The following SLC16A13 variants were observed in gnomAD, a reference collection of about 807,000 sequenced individuals.
SLC16A13 encodes solute carrier family 16 member 13, also known as monocarboxylate transporter 13.
In SLC16A13, 28 loss-of-function variants were observed where a neutral mutation model predicts 28.1. That is an observed-to-expected ratio of 1.00 (90% CI 0.74 to 1.37). The LOEUF is 1.37. Ranked by LOEUF, SLC16A13 falls within the 40% of genes most tolerant of loss-of-function variation. The probability of loss-of-function intolerance (pLI) is 0.00; values close to 1 mark genes in which losing one functional copy is unlikely to be tolerated. For missense variants in SLC16A13, 482 were observed against 531.8 expected, an observed-to-expected ratio of 0.91 and a Z score of 0.92; for synonymous variants, 228 against 241.6, an observed-to-expected ratio of 0.94 and a Z score of 0.52.
Position 7,038,141 on chromosome 17 carries a change from C to T in SLC16A13, c.344-11C>T. 2 of 1,605,098 alleles carry T rather than the reference C, an allele frequency of 1.2e-6. No individual in the cohort carries two copies. Among genetic ancestry groups the T allele is most frequent in the Non-Finnish European group, 1.7e-6 (2 of 1,175,286 alleles). ...TAAGAGTTCTCAACACCACTTCTTC[C>T]TTTTTGACAGGCTCTGGCTGGGCTT... On this transcript the variant is annotated splice_polypyrimidine_tract_variant and intron_variant, in intron 2 of 3. Coordinates refer to ENST00000308027, the MANE Select transcript of SLC16A13 (RefSeq NM_201566.3). The surrounding 1 kb of genome is among the most constrained non-coding windows in gnomAD (Gnocchi z 5.7).
intron 2 of SLC16A13, among the ~76,000 whole-genome samples, chr17:7,037,813 A>C (rs1910624560): frequency 6.6e-6 from 1 of 152,248 alleles, no homozygotes; most frequent in African/African-American, 2.4e-5. Context: ...AAAAGCTTTA[A>C]AGCTTATACA....
rs145936915 is a variant in SLC16A13 at position 7,038,321 on chromosome 17, C to A, written c.513C>A (p.Ser171=). Reference sequence around the variant, plus strand: ...TCAGCCACTACGCCTGGAGGGGGTCCCTGCTGCTGGTGTCTGCCCTCTCCC... The same window carrying A: ...TCAGCCACTACGCCTGGAGGGGGTCACTGCTGCTGGTGTCTGCCCTCTCCC... ...WLLSHYAWRG[S]LLLVSALSLH... Residue 171 remains serine, a synonymous_variant, in exon 3 of 4, where the codon TCC becomes TCA. Coordinates refer to ENST00000308027, the MANE Select transcript of SLC16A13 (RefSeq NM_201566.3). This position sits in a 1 kb window ranked among gnomAD's most constrained non-coding sequence, Gnocchi z 5.7. The A allele has an allele frequency of 1.2e-6, 2 of 1,614,118 alleles. No individual in the cohort carries two copies. The highest frequency in any genetic ancestry group is 2.2e-5 in the South Asian group (2 of 91,086).
rs763396808 is a variant in SLC16A13 at position 7,036,771 on chromosome 17, G to A, written c.244G>A (p.Val82Met). The A allele has an allele frequency of 5.0e-6, 8 of 1,613,618 alleles. No individual in the cohort carries two copies. The highest frequency in any genetic ancestry group is 2.7e-5 in the African/African-American group (2 of 74,958). The stretch of plus-strand genomic sequence containing the variant: ...GAGCACGAAGTTCGGGCCCAGGCCC[G>A]TGGTGATGACTGGAGGCATCTTGGC... ...ALSTKFGPRP[V>M]VMTGGILAAL... Residue 82 changes from valine to methionine, a missense_variant, in exon 2 of 4, where the codon GTG becomes ATG. Transcript: ENST00000308027.
At position 7,039,154 on chromosome 17, in the gene SLC16A13, C is replaced by A. The variant is rs987188817; in HGVS notation, c.1081+265C>A. ...TGGGTTTGCAGAGGACCTGGCAGAACCTGGCCAGACACAGACGTAGCATTC... is the reference window on the plus strand; with the variant it reads ...TGGGTTTGCAGAGGACCTGGCAGAAACTGGCCAGACACAGACGTAGCATTC... On this transcript the variant is annotated intron_variant, in intron 3 of 3. Transcript: ENST00000308027. This position sits in a 1 kb window ranked among gnomAD's most constrained non-coding sequence, Gnocchi z 4.3. 6.6e-5 allele frequency among the ~76,000 whole-genome samples: 10 copies of A among 152,166 alleles called. No individual in the cohort carries two copies. Among genetic ancestry groups the A allele is most frequent in the Admixed American group, 6.5e-4 (10 of 15,278 alleles).
chr17:7,038,107 T>C lies in SLC16A13; in HGVS notation c.344-45T>C. The C allele has an allele frequency of 6.4e-7, 1 of 1,569,438 alleles. No homozygotes were observed. Among genetic ancestry groups the C allele is most frequent in the Non-Finnish European group, 8.6e-7 (1 of 1,159,022 alleles). On this transcript the variant is annotated intron_variant, in intron 2 of 3. Transcript: ENST00000308027. This position sits in a 1 kb window ranked among gnomAD's most constrained non-coding sequence, Gnocchi z 5.7. ...GCAATGCGGGGATTACTGTGTGCCT[T>C]GAGCTCCCTAAGAGTTCTCAACACC...
chr17:7,038,693 A>C lies in SLC16A13; in HGVS notation c.885A>C (p.Leu295=). The C allele has an allele frequency of 6.2e-7, 1 of 1,614,134 alleles. No individual in the cohort carries two copies. The highest frequency in any genetic ancestry group is 8.5e-7 in the Non-Finnish European group (1 of 1,180,024). Residue 295 remains leucine (L), a synonymous_variant, in exon 3 of 4, where the codon CTA becomes CTC. Transcript: ENST00000308027. This position sits in a 1 kb window ranked among gnomAD's most constrained non-coding sequence, Gnocchi z 5.7. ...GGACCACCTTGACTGGGGTGTCACT[A>C]GCCCTGTTCCCTGTAGCTCAGGCTC... ...MLWTTLTGVS[L]ALFPVAQAPT... is the part of the protein sequence containing the mutation.
chr17:7,038,479 C>T lies in SLC16A13; in HGVS notation c.671C>T (p.Thr224Ile). ...TTCCTCCGTTACACTGTTGCCCTCA[C>T]CCTGATCAACACTGGCTACTTCATT... ...GPFLRYTVAL[T>I]LINTGYFIPY... The change falls in exon 3 of 4, where the codon ACC becomes ATC. Residue 224 changes from threonine to isoleucine, a missense_variant. Thr to Ile is a moderately conservative substitution (Grantham distance 89, BLOSUM62 -1). Coordinates refer to ENST00000308027, the MANE Select transcript of SLC16A13 (RefSeq NM_201566.3). This position sits in a 1 kb window ranked among gnomAD's most constrained non-coding sequence, Gnocchi z 5.7. 1 of 1,614,242 alleles carries T rather than the reference C, an allele frequency of 6.2e-7. No homozygotes were observed. The highest frequency in any genetic ancestry group is 8.5e-7 in the Non-Finnish European group (1 of 1,180,048).
Position 7,039,182 on chromosome 17 carries a change from G to C in SLC16A13, c.1081+293G>C, listed in dbSNP as rs2151669094. Among the ~76,000 whole-genome samples the C allele has an allele frequency of 6.6e-6, 1 of 152,300 alleles. No homozygotes were observed. The highest frequency in any genetic ancestry group is 1.9e-4 in the East Asian group (1 of 5,174). Reference sequence around the variant, plus strand: ...GGCCAGACACAGACGTAGCATTCCAGTGTGCACCCTTTCCTTTGGCCTACT... The same window carrying C: ...GGCCAGACACAGACGTAGCATTCCACTGTGCACCCTTTCCTTTGGCCTACT... On this transcript the variant is annotated intron_variant, in intron 3 of 3. Coordinates refer to ENST00000308027, the MANE Select transcript of SLC16A13 (RefSeq NM_201566.3). The surrounding 1 kb of genome is among the most constrained non-coding windows in gnomAD (Gnocchi z 4.3).
Position 7,039,879 on chromosome 17 carries a change from A to G in SLC16A13, c.1198A>G (p.Thr400Ala). ...TLPHFFCFSTTTSGPQDLVTE... is the reference protein window; with the variant it reads ...TLPHFFCFSTATSGPQDLVTE... ...GCCCCACTTCTTCTGCTTCTCAACT[A>G]CTACCTCCGGGCCCCAGGACCTTGT... Residue 400 changes from threonine to alanine, a missense_variant, in exon 4 of 4, where the codon ACT becomes GCT. Transcript: ENST00000308027. The surrounding 1 kb of genome is among the most constrained non-coding windows in gnomAD (Gnocchi z 4.3). 2 of 1,613,906 alleles carry G rather than the reference A, an allele frequency of 1.2e-6. No homozygotes were observed. The highest frequency in any genetic ancestry group is 1.3e-5 in the African/African-American group (1 of 74,952).
intron 2 of SLC16A13, 99 bp downstream of exon 2, chr17:7,036,969 A>G (rs1371815139): frequency 2.8e-6 from 4 of 1,424,844 alleles, no homozygotes; most frequent in South Asian, 1.3e-5. Context: ...AAGCTGAGGG[A>G]AAGTTTAGCT....
rs1350536966 is a variant in SLC16A13 at position 7,039,777 on chromosome 17, G to A, written c.1096G>A (p.Val366Met). The change falls in exon 4 of 4, where the codon GTG becomes ATG. Residue 366 changes from valine (V) to methionine (M), a missense_variant. Physicochemically the swap from Val to Met is conservative, Grantham distance 21 (BLOSUM62 1). Coordinates refer to ENST00000308027, the MANE Select transcript of SLC16A13 (RefSeq NM_201566.3). The surrounding 1 kb of genome is among the most constrained non-coding windows in gnomAD (Gnocchi z 4.3). ...CTTGGACCTAGGCTACCTCCGGGATGTGACAGGCAACTACACGGCTTCTTT... is the reference window on the plus strand; with the variant it reads ...CTTGGACCTAGGCTACCTCCGGGATATGACAGGCAACTACACGGCTTCTTT... The part of the protein sequence containing the change: ...GPPLSGYLRD[V>M]TGNYTASFVV... 1 of 1,614,212 alleles carries A rather than the reference G, an allele frequency of 6.2e-7. No homozygotes were observed. The highest frequency in any genetic ancestry group is 1.1e-5 in the South Asian group (1 of 91,078).
chr17:7,036,900 A>T, intron 2 of SLC16A13, 30 bp downstream of exon 2: 1 of 1,606,032 alleles, frequency 6.2e-7, no homozygotes, highest in Non-Finnish European at 8.5e-7. Flanking sequence ...CAGGAGAGTC[A>T]AATGCTTAGA....
rs1301238200 is a variant in SLC16A13 at position 7,039,138 on chromosome 17, A to C, written c.1081+249A>C. Among the ~76,000 whole-genome samples, 1 of 152,182 alleles carries C rather than the reference A, an allele frequency of 6.6e-6. No homozygotes were observed. Among genetic ancestry groups the C allele is most frequent in the Non-Finnish European group, 1.5e-5 (1 of 68,038 alleles). On this transcript the variant is annotated intron_variant, in intron 3 of 3. Transcript: ENST00000308027. The surrounding 1 kb of genome is among the most constrained non-coding windows in gnomAD (Gnocchi z 4.3). ...CAGGGTGCCTACGGCTTGGGTTTGC[A>C]GAGGACCTGGCAGAACCTGGCCAGA...
In SLC16A13 at chr17:7,039,985, A is replaced by T; in HGVS notation, c.*23A>T. 6.2e-7 allele frequency: 1 copy of T among 1,605,610 alleles called. No homozygotes were observed. The highest frequency in any genetic ancestry group is 1.1e-5 in the South Asian group (1 of 90,914). ...TGAACTCCACAGAGTCAGGCCCAGA[A>T]AGCCAAAGCTTGACAGCTCCAGGTC... On this transcript the variant is annotated 3_prime_UTR_variant, in exon 4 of 4. Coordinates refer to ENST00000308027, the MANE Select transcript of SLC16A13 (RefSeq NM_201566.3). This position sits in a 1 kb window ranked among gnomAD's most constrained non-coding sequence, Gnocchi z 4.3.
Position 7,036,354 on chromosome 17 carries a change from T to C in SLC16A13, c.-29T>C. ...CAGAACCCGGCTCCTGCAGAGGCTC[T>C]GGGTGGCAGCAGCCCTGTTACCGCT... On this transcript the variant is annotated 5_prime_UTR_variant, in exon 1 of 4. Transcript: ENST00000308027. The C allele has an allele frequency of 6.3e-7, 1 of 1,587,474 alleles. No homozygotes were observed. The highest frequency in any genetic ancestry group is 8.6e-7 in the Non-Finnish European group (1 of 1,167,414).
chr17:7,038,697 C>G lies in SLC16A13; in HGVS notation c.889C>G (p.Leu297Val). 6.2e-7 allele frequency: 1 copy of G among 1,614,200 alleles called. No homozygotes were observed. The highest frequency in any genetic ancestry group is 8.5e-7 in the Non-Finnish European group (1 of 1,180,028). The change falls in exon 3 of 4, where the codon CTG (leucine) becomes GTG (valine). Residue 297 changes from leucine (L) to valine (V), a missense_variant. By Grantham distance (32) the Leu-to-Val change is conservative. Coordinates refer to ENST00000308027, the MANE Select transcript of SLC16A13 (RefSeq NM_201566.3). The surrounding 1 kb of genome is among the most constrained non-coding windows in gnomAD (Gnocchi z 5.7). ...WTTLTGVSLALFPVAQAPTAL... is the reference protein window; with the variant it reads ...WTTLTGVSLAVFPVAQAPTAL... The stretch of plus-strand genomic sequence containing the variant: ...CACCTTGACTGGGGTGTCACTAGCC[C>G]TGTTCCCTGTAGCTCAGGCTCCCAC...
chr17:7,036,406 C>T lies in SLC16A13; in HGVS notation c.24C>T (p.Pro8=), dbSNP rs754259483. Residue 8 remains proline, a synonymous_variant, in exon 1 of 4, where the codon CCC becomes CCT. Transcript: ENST00000308027. ...AGATGGCGCGCAGGACAGAGCCCCC[C>T]GACGGGGGCTGGGGATGGGTGGTGG... is the stretch of plus-strand genomic sequence containing the variant. MARRTEP[P]DGGWGWVVVL... 1.9e-6 allele frequency: 3 copies of T among 1,611,586 alleles called. No individual in the cohort carries two copies. The highest frequency in any genetic ancestry group is 4.5e-5 in the East Asian group (2 of 44,868).
chr17:7,036,932 C>T (rs529440575), intron 2 of SLC16A13, 62 bp downstream of exon 2: 2 of 1,579,714 alleles, frequency 1.3e-6, no homozygotes, highest in Non-Finnish European at 1.7e-6. Context: ...TCACCTCCTT[C>T]CTGCTCCTTC....
In SLC16A13 at chr17:7,036,188, A is replaced by C; in HGVS notation, c.-195A>C. 1 of 568,972 alleles carries C rather than the reference A, an allele frequency of 1.8e-6. No individual in the cohort carries two copies. The allele number at this position is 568,972 out of a possible 1,614,324, so 35.2% of individuals were successfully genotyped here. ...CCCGGCCAGCGCGGGCCAGGTCTTC[A>C]GTCCTATATCGCCCCGCCTTGGGAA... On this transcript the variant is annotated 5_prime_UTR_variant, in exon 1 of 4. Transcript: ENST00000308027.
Sources: gnomAD v4.1 joint callset for allele counts (sites outside exome capture counted in the v4.1 genomes callset) on GRCh38, gnomAD v4.1.1 for gene constraint, Gnocchi (gnomAD v3.1) non-coding constraint, MANE v1.5 for transcripts, NCBI Gene and HGNC (gene_info 2026-07-23, HGNC 2026-07-21) for gene names.